CMC1: variants seen among roughly 807,000 people sequenced by gnomAD.
CMC1 encodes the protein C-X9-C motif containing 1, also known as COX assembly mitochondrial protein homolog.
Under a neutral mutation model 14.1 loss-of-function variants are expected in CMC1, and 14 were observed. The observed-to-expected ratio is 0.99, with a 90% CI of 0.66 to 1.55. The LOEUF is 1.55. Among genes scored for constraint, CMC1 ranks in the 40% most tolerant of loss-of-function variants. The pLI is 0.00. For synonymous variants in CMC1, 50 were observed against 38.4 expected, an observed-to-expected ratio of 1.30 and a Z score of -1.12; for missense variants, 127 against 123.8, an observed-to-expected ratio of 1.03 and a Z score of -0.12.
At position 28,323,955 on chromosome 3, in the gene CMC1, TCTC is replaced by T. The variant is rs1341234706; in HGVS notation, c.*4329_*4331del. 5 of 1,430,866 alleles carry T rather than the reference TCTC, an allele frequency of 3.5e-6. No individual in the cohort carries two copies. Among genetic ancestry groups the T allele is most frequent in the African/African-American group, 2.9e-5 (2 of 69,410 alleles). The allele number at this position is 1,430,866 out of a possible 1,614,324, so 88.6% of individuals were successfully genotyped here. ...GACCTCTGCAAAATTTTAATCAAAA[TCTC>T]CTTTCAGTTTGTTAAATAATTTCTT... On this transcript the variant is annotated 3_prime_UTR_variant, in exon 4 of 4. Coordinates refer to ENST00000466830, the MANE Select transcript of CMC1 (RefSeq NM_182523.2).
chr3:28,276,735 A>G (rs1011482767), intron 2 of CMC1, among the ~76,000 whole-genome samples: 10 of 152,168 alleles, frequency 6.6e-5, no homozygotes, highest in African/African-American at 2.4e-4. Flanking sequence ...AGATAATCAT[A>G]TTTTACTGAA....
At chr3:28,281,289 A>G (rs1700882370) in intron 2 of CMC1, among the ~76,000 whole-genome samples, 1 of 152,226 alleles carries the variant, frequency 6.6e-6, no homozygotes, top group Non-Finnish European at 1.5e-5. Flanking sequence ...TGATTCTATA[A>G]AGGAAGAGTG....
At chr3:28,285,876 C>A (rs1255294611) in intron 2 of CMC1, among the ~76,000 whole-genome samples, 1 of 151,772 alleles carries the variant, frequency 6.6e-6, no homozygotes, top group East Asian at 1.9e-4. Context: ...ACGCCATTCT[C>A]CTGCTTCAGC....
At chr3:28,310,186 G>A (rs1397658430) in intron 2 of CMC1, among the ~76,000 whole-genome samples, 2 of 152,066 alleles carry the variant, frequency 1.3e-5, no homozygotes, top group Non-Finnish European at 2.9e-5. Flanking sequence ...TGAGGTTCCC[G>A]TTCTGTGCTT....
chr3:28,286,108 C>T (rs767604054), intron 2 of CMC1, among the ~76,000 whole-genome samples: 17 of 152,014 alleles, frequency 1.1e-4, no homozygotes, highest in Non-Finnish European at 1.0e-4. Flanking sequence ...ACATTTTATA[C>T]TTGTATATGT....
At chr3:28,246,794 A>G (rs1339860567) in intron 1 of CMC1, among the ~76,000 whole-genome samples, 1 of 144,126 alleles carries the variant, frequency 6.9e-6, no homozygotes, top group East Asian at 2.0e-4. Flanking sequence ...TTTGGGGTCC[A>G]TTGATTTTTT....
chr3:28,317,403 C>CT (rs1702981395), intron 3 of CMC1: 1 of 151,798 alleles, frequency 6.6e-6, no homozygotes, highest in Admixed American at 6.6e-5. Context: ...GTACTCAGTG[C>CT]TTTACCATAT....
chr3:28,309,733 C>T (rs989217623), intron 2 of CMC1, among the ~76,000 whole-genome samples: 1 of 151,422 alleles, frequency 6.6e-6, no homozygotes, highest in East Asian at 2.0e-4. Context: ...TTGAGGATTT[C>T]GATAGCCCTT....
chr3:28,279,391 A>G (rs972758576), intron 2 of CMC1, among the ~76,000 whole-genome samples: 2 of 152,210 alleles, frequency 1.3e-5, no homozygotes, highest in Non-Finnish European at 2.9e-5. Flanking sequence ...CAAACTTTCT[A>G]CTCGTATTAC....
At chr3:28,290,112 A>G (rs935911641) in intron 2 of CMC1, among the ~76,000 whole-genome samples, 2 of 152,106 alleles carry the variant, frequency 1.3e-5, no homozygotes, top group Non-Finnish European at 1.5e-5. Flanking sequence ...GTACAGTTAT[A>G]CTTCCCCCAC....
chr3:28,242,866 A>T (rs932887060), intron 1 of CMC1, among the ~76,000 whole-genome samples: 1 of 151,994 alleles, frequency 6.6e-6, no homozygotes, highest in Non-Finnish European at 1.5e-5. Flanking sequence ...GCTTTGAGGG[A>T]TGGAATTTCC....
At chr3:28,266,902 T>C (rs1019894961) in intron 2 of CMC1, among the ~76,000 whole-genome samples, 2 of 152,206 alleles carry the variant, frequency 1.3e-5, no homozygotes, top group Admixed American at 1.3e-4. Context: ...ATTAACACAG[T>C]GAACACTGAG....
intron 2 of CMC1, among the ~76,000 whole-genome samples, chr3:28,277,081 T>C (rs1405214532): frequency 6.6e-6 from 1 of 152,184 alleles, no homozygotes; most frequent in African/African-American, 2.4e-5. Flanking sequence ...TGGTTTTCTC[T>C]TTTGGGAGAT....
At chr3:28,274,623 G>A (rs1205213626) in intron 2 of CMC1, among the ~76,000 whole-genome samples, 2 of 151,870 alleles carry the variant, frequency 1.3e-5, no homozygotes, top group African/African-American at 4.8e-5. Context: ...ATCTTACTGG[G>A]GTTCTCTGAA....
At chr3:28,308,991 T>A (rs113203784) in intron 2 of CMC1, among the ~76,000 whole-genome samples, 747 of 3,668 alleles carry the variant, frequency 0.2, 9 homozygotes, top group Middle Eastern at 0.5. Context: ...CAAAAAAAAA[T>A]AAATAAATAA....
chr3:28,252,044 G>T (rs951507734), intron 1 of CMC1, among the ~76,000 whole-genome samples: 4 of 152,176 alleles, frequency 2.6e-5, no homozygotes, highest in Non-Finnish European at 5.9e-5. Flanking sequence ...CACAATGGCG[G>T]TTGTAACACA....
intron 2 of CMC1, among the ~76,000 whole-genome samples, chr3:28,300,594 T>TCTTC (rs138110942): frequency 8.7e-5 from 12 of 137,266 alleles, no homozygotes; most frequent in South Asian, 2.3e-4. Context: ...TTTCTATCTC[T>TCTTC]CTTCCTTCCT....
At chr3:28,245,396 T>C (rs1353779509) in intron 1 of CMC1, among the ~76,000 whole-genome samples, 3 of 152,212 alleles carry the variant, frequency 2.0e-5, no homozygotes, top group Non-Finnish European at 4.4e-5. Flanking sequence ...AACCTGCACC[T>C]GATAAATTTG....
At chr3:28,267,188 T>TTAAAGTG (rs778176561) in intron 2 of CMC1, among the ~76,000 whole-genome samples, 62 of 152,346 alleles carry the variant, frequency 4.1e-4, no homozygotes, top group Non-Finnish European at 7.9e-4. Flanking sequence ...AAAATATTGT[T>TTAAAGTG]TGCCGTATAT....
Sources: allele counts gnomAD v4.1 joint callset (sites outside exome capture counted in the v4.1 genomes callset), GRCh38; gene constraint gnomAD v4.1.1; transcripts MANE v1.5; gene names NCBI Gene and HGNC (gene_info 2026-07-23, HGNC 2026-07-21).